USP38: variants seen among roughly 807,000 people sequenced by gnomAD.
USP38 encodes the protein ubiquitin carboxyl-terminal hydrolase 38.
A neutral mutation model predicts 94.3 loss-of-function variants in USP38; 49 were observed. That is an observed-to-expected ratio of 0.52 (90% CI 0.41 to 0.66). The LOEUF (loss-of-function observed/expected upper bound fraction) is 0.66, where lower values mean the gene tolerates loss of function less well. USP38 is among the 30% of genes least tolerant of loss of function. The probability of loss-of-function intolerance (pLI) is 0.00; values close to 1 mark genes in which losing one functional copy is unlikely to be tolerated. For missense variants in USP38, 1,128 were observed against 1,229.4 expected, an observed-to-expected ratio of 0.92 and a Z score of 1.23; for synonymous variants, 468 against 463.6, an observed-to-expected ratio of 1.01 and a Z score of -0.12.
At chr4:143,204,745 C>T (rs894624820) in intron 5 of USP38, among the ~76,000 whole-genome samples, 1 of 152,130 alleles carries the variant, frequency 6.6e-6, no homozygotes, top group Non-Finnish European at 1.5e-5. Flanking sequence ...TCTCAGTAAA[C>T]TTACTGCATA....
In USP38 at chr4:143,223,217, C is replaced by T. The variant is rs1732369119; in HGVS notation, c.*2761C>T. ...TCAAATTGAAGGAAGGATTCTAGCT[C>T]ATTTTCCATTCAAGCATCTTCCCAC... is the stretch of plus-strand genomic sequence containing the variant. On this transcript the variant is annotated 3_prime_UTR_variant, in exon 10 of 10. Coordinates refer to ENST00000307017, the MANE Select transcript of USP38 (RefSeq NM_032557.6). The T allele has an allele frequency of 6.6e-6, 1 of 152,104 alleles. No homozygotes were observed. The highest frequency in any genetic ancestry group is 1.5e-5 in the Non-Finnish European group (1 of 67,980). The allele number at this position is 152,104 out of a possible 1,614,324, so 9.4% of individuals were successfully genotyped here. A position where few individuals can be genotyped will look rare whatever the true frequency, so the allele number is the denominator to read the frequency against.
chr4:143,199,988 C>G (rs1208490253), intron 4 of USP38, among the ~76,000 whole-genome samples: 1 of 152,068 alleles, frequency 6.6e-6, no homozygotes, highest in African/African-American at 2.4e-5. Flanking sequence ...AATTAGATCC[C>G]GTTTGTCAAT....
Position 143,214,655 on chromosome 4 carries a change from A to G in USP38, c.2679A>G (p.Arg893=). ...LASSQSHLLG[R]DSPSAVFEQD... ...CCTCCCAGAGTCATTTACTAGGGAGAGATAGTCCCAGTGCAGTTTTTGAAC... is the reference window on the plus strand; with the variant it reads ...CCTCCCAGAGTCATTTACTAGGGAGGGATAGTCCCAGTGCAGTTTTTGAAC... Residue 893 remains arginine, a synonymous_variant, in exon 9 of 10, where the codon AGA becomes AGG. Coordinates refer to ENST00000307017, the MANE Select transcript of USP38 (RefSeq NM_032557.6). 6.2e-7 allele frequency: 1 copy of G among 1,613,678 alleles called. No homozygotes were observed. The highest frequency in any genetic ancestry group is 1.1e-5 in the South Asian group (1 of 91,060).
At chr4:143,201,901 G>A (rs1731726104) in intron 4 of USP38, among the ~76,000 whole-genome samples, 1 of 152,216 alleles carries the variant, frequency 6.6e-6, no homozygotes, top group African/African-American at 2.4e-5. Flanking sequence ...CTGTATAACT[G>A]TGAAAGACTA....
At chr4:143,216,912 CA>C (rs1196173886) in intron 9 of USP38, among the ~76,000 whole-genome samples, 3 of 152,068 alleles carry the variant, frequency 2.0e-5, no homozygotes, top group Non-Finnish European at 4.4e-5. Flanking sequence ...TGGGTTCAAG[CA>C]AATCTCAGGT....
At chr4:143,190,265 GTA>G (rs1731358655) in intron 2 of USP38, among the ~76,000 whole-genome samples, 6 of 25,554 alleles carry the variant, frequency 2.3e-4, no homozygotes, top group Admixed American at 9.1e-4. Context: ...TAGGGTAATA[GTA>G]GCAGATTTTC....
chr4:143,220,362 A>G lies in USP38; in HGVS notation c.3035A>G (p.Asn1012Ser), dbSNP rs149069194. 339 of 1,613,490 alleles carry G rather than the reference A, an allele frequency of 2.1e-4. 1 individual carries two copies. The Admixed American group carries it at 4.5e-3, about 21-fold the overall frequency. Residue 1012 changes from asparagine (N) to serine (S), a missense_variant, in exon 10 of 10, where the codon AAT becomes AGT. Transcript: ENST00000307017. The part of the protein sequence containing the change: ...AASASCSFRP[N>S]GFDDNDPPGS... ...TCTGCTTCATGTTCATTTCGGCCCA[A>G]TGGATTTGATGACAACGACCCACCA...
At chr4:143,220,058 G>T (rs952066769) in intron 9 of USP38, among the ~76,000 whole-genome samples, 2 of 151,986 alleles carry the variant, frequency 1.3e-5, no homozygotes, top group Non-Finnish European at 2.9e-5. Flanking sequence ...GATAATCTTT[G>T]AATTCTATGT....
At chr4:143,207,044 G>C (rs561334771) in intron 6 of USP38, among the ~76,000 whole-genome samples, 1 of 152,210 alleles carries the variant, frequency 6.6e-6, no homozygotes, top group Non-Finnish European at 1.5e-5. Context: ...AAGCAAATAG[G>C]AAATCAGAAG....
rs759452423 is a variant in USP38, at chr4:143,220,384, A to AC, written c.3059dup (p.Gly1021ArgfsTer15). ...CCAATGGATTTGATGACAACGACCC[A>AC]CCAGGAAGCTGTGGACCAACTGGTG... is the stretch of plus-strand genomic sequence containing the variant. On this transcript the variant is annotated frameshift_variant, in exon 10 of 10. Coordinates refer to ENST00000307017, the MANE Select transcript of USP38 (RefSeq NM_032557.6). LOFTEE classifies it high-confidence loss of function. 6.2e-7 allele frequency: 1 copy of AC among 1,613,504 alleles called. No homozygotes were observed. Among genetic ancestry groups the AC allele is most frequent in the Admixed American group, 1.7e-5 (1 of 59,942 alleles).
chr4:143,191,363 G>A (rs1186653577), intron 2 of USP38, among the ~76,000 whole-genome samples: 1 of 152,158 alleles, frequency 6.6e-6, no homozygotes, highest in East Asian at 1.9e-4. Flanking sequence ...ATCAAGTCCA[G>A]TTGTCTGTTA....
chr4:143,199,699 A>G (rs970799492), intron 4 of USP38, among the ~76,000 whole-genome samples: 2 of 152,018 alleles, frequency 1.3e-5, no homozygotes, highest in African/African-American at 4.8e-5. Flanking sequence ...ATGGTAGTTC[A>G]TTGTGGTTTT....
Position 143,222,056 on chromosome 4 carries a change from C to T in USP38, c.*1600C>T, listed in dbSNP as rs1361657406. On this transcript the variant is annotated 3_prime_UTR_variant, in exon 10 of 10. Transcript: ENST00000307017. ...GAGCTATCCTGTGTGTTCAGTTATCCACTTACTTGATAGCAACTTACGACC... is the reference window on the plus strand; with the variant it reads ...GAGCTATCCTGTGTGTTCAGTTATCTACTTACTTGATAGCAACTTACGACC... 1 of 152,038 alleles carries T rather than the reference C, an allele frequency of 6.6e-6. No individual in the cohort carries two copies. Among genetic ancestry groups the T allele is most frequent in the Non-Finnish European group, 1.5e-5 (1 of 67,946 alleles). The allele number at this position is 152,038 out of a possible 1,614,324, so 9.4% of individuals were successfully genotyped here. A position where few individuals can be genotyped will look rare whatever the true frequency, so the allele number is the denominator to read the frequency against.
intron 8 of USP38, 55 bp from the exon 9 acceptor site, chr4:143,213,526 G>A: frequency 6.9e-7 from 1 of 1,453,944 alleles, no homozygotes; most frequent in Non-Finnish European, 9.1e-7. Context: ...TTTTTAAATA[G>A]AAATGACATT....
Position 143,185,551 on chromosome 4 carries a change from A to C in USP38, c.101A>C (p.Asp34Ala). ...GTGGAATCGGCGGAGCACTGGCTAG[A>C]CGAGGCGCAGTGCGAGGCCATGTTT... Reference protein sequence around the residue: ...KVVESAEHWLDEAQCEAMFDL... With the variant: ...KVVESAEHWLAEAQCEAMFDL... Residue 34 changes from aspartate to alanine, a missense_variant, in exon 1 of 10, where the codon GAC becomes GCC. Transcript: ENST00000307017. 1 of 1,614,022 alleles carries C rather than the reference A, an allele frequency of 6.2e-7. No homozygotes were observed. The highest frequency in any genetic ancestry group is 1.1e-5 in the South Asian group (1 of 91,068).
chr4:143,220,188 G>C, intron 9 of USP38, 107 bp from the exon 10 acceptor site: 2 of 1,196,590 alleles, frequency 1.7e-6, no homozygotes, highest in Non-Finnish European at 2.2e-6. Context: ...ATTGAGATTT[G>C]AAGAATGTTT....
At chr4:143,195,640 C>G (rs1731521708) in intron 2 of USP38, 76 bp from the exon 3 acceptor site, 1 of 1,408,922 alleles carries the variant, frequency 7.1e-7, no homozygotes, top group South Asian at 1.5e-5. Flanking sequence ...GAGTGATTAT[C>G]TACTGTAACT....
In USP38 at chr4:143,214,963, T is replaced by G; in HGVS notation, c.2967+20T>G. On this transcript the variant is annotated intron_variant, in intron 9 of 9. Transcript: ENST00000307017. ...TTACAGGTAAGTTGGAAATACAAGC[T>G]TTATTTGTTGAAAATATTAAACAAT... 2 of 1,597,634 alleles carry G rather than the reference T, an allele frequency of 1.3e-6. No individual in the cohort carries two copies. Among genetic ancestry groups the G allele is most frequent in the Non-Finnish European group, 8.5e-7 (1 of 1,171,996 alleles).
At chr4:143,197,959 G>T in intron 4 of USP38, 35 bp downstream of exon 4, 1 of 1,476,084 alleles carries the variant, frequency 6.8e-7, no homozygotes, top group Non-Finnish European at 9.3e-7. Flanking sequence ...CTTTGAAAAA[G>T]CCTCAATTTG....
Sources: allele counts gnomAD v4.1 joint callset (sites outside exome capture counted in the v4.1 genomes callset), GRCh38; gene constraint gnomAD v4.1.1; transcripts MANE v1.5; gene names NCBI Gene and HGNC (gene_info 2026-07-23, HGNC 2026-07-21).